MYO3B: variants seen among roughly 807,000 people sequenced by gnomAD.
MYO3B encodes the protein myosin IIIB.
MYO3B carries 156 observed loss-of-function variants against 174.6 expected under a neutral mutation model. That is an observed-to-expected ratio of 0.89 (90% confidence interval 0.78 to 1.02). The LOEUF is 1.02. Among genes scored for constraint, MYO3B ranks in the 50% least tolerant of loss-of-function variants. MYO3B has a pLI of 0.00. For missense variants in MYO3B, 1,632 were observed against 1,639.4 expected, an observed-to-expected ratio of 1.00 and a Z score of 0.08; for synonymous variants, 563 against 569.1, an observed-to-expected ratio of 0.99 and a Z score of 0.15.
chr2:170,180,472 G>A (rs1207863628), intron 1 of MYO3B, among the ~76,000 whole-genome samples: 1 of 152,000 alleles, frequency 6.6e-6, no homozygotes, highest in Non-Finnish European at 1.5e-5. Context: ...TTATTTCTCT[G>A]TTTTCTTTTT....
chr2:170,378,369 G>A (rs1240121257), intron 9 of MYO3B, among the ~76,000 whole-genome samples: 1 of 152,144 alleles, frequency 6.6e-6, no homozygotes, highest in Non-Finnish European at 1.5e-5. Flanking sequence ...GTCTTTATCA[G>A]AGTAGAGAAG....
At chr2:170,417,648 A>G (rs576965803) in intron 22 of MYO3B, among the ~76,000 whole-genome samples, 17 of 152,292 alleles carry the variant, frequency 1.1e-4, no homozygotes, top group Non-Finnish European at 2.1e-4. Flanking sequence ...CCTGGCTCCC[A>G]GTGGTTTTCT....
intron 32 of MYO3B, among the ~76,000 whole-genome samples, chr2:170,640,191 CAATTA>C (rs1396862492): frequency 6.6e-6 from 1 of 152,102 alleles, no homozygotes; most frequent in Non-Finnish European, 1.5e-5. Flanking sequence ...TACCCCTGAC[CAATTA>C]AATTAGGATC....
At chr2:170,532,267 A>G (rs910976592) in intron 30 of MYO3B, among the ~76,000 whole-genome samples, 1 of 152,236 alleles carries the variant, frequency 6.6e-6, no homozygotes, top group Non-Finnish European at 1.5e-5. Flanking sequence ...AAAATGAAAC[A>G]TGACAGAAGA....
intron 27 of MYO3B, among the ~76,000 whole-genome samples, chr2:170,501,062 C>T (rs773920889): frequency 6.8e-6 from 1 of 146,572 alleles, no homozygotes; most frequent in Non-Finnish European, 1.5e-5. Context: ...CCAGCAACTT[C>T]GAGAGTTGTG....
chr2:170,255,423 A>G (rs954070049), intron 7 of MYO3B, among the ~76,000 whole-genome samples: 1 of 152,204 alleles, frequency 6.6e-6, no homozygotes, highest in Non-Finnish European at 1.5e-5. Context: ...CTAAGAGCCT[A>G]TCTGCTGGCC....
chr2:170,608,641 T>C (rs1322829592), intron 32 of MYO3B, among the ~76,000 whole-genome samples: 2 of 151,316 alleles, frequency 1.3e-5, no homozygotes, highest in Non-Finnish European at 2.9e-5. Context: ...GGTCCCAGTA[T>C]GCTTCAGCTG....
At chr2:170,416,309 G>A (rs989787257) in intron 22 of MYO3B, among the ~76,000 whole-genome samples, 10 of 151,994 alleles carry the variant, frequency 6.6e-5, no homozygotes, top group Non-Finnish European at 1.0e-4. Context: ...GATCACTTGA[G>A]GTCAGGAGTT....
chr2:170,242,152 A>G (rs1167177913), intron 7 of MYO3B, among the ~76,000 whole-genome samples: 4 of 152,176 alleles, frequency 2.6e-5, no homozygotes, highest in Admixed American at 2.6e-4. Context: ...TCACTTAGCT[A>G]TTGGCCTTTT....
chr2:170,217,469 C>T, intron 6 of MYO3B, 74 bp downstream of exon 6: 1 of 1,286,416 alleles, frequency 7.8e-7, no homozygotes, highest in South Asian at 1.2e-5. Context: ...ATGGGTAAGT[C>T]ATATGCTTTG....
chr2:170,455,263 A>G (rs1009192215), intron 23 of MYO3B, among the ~76,000 whole-genome samples: 1 of 152,214 alleles, frequency 6.6e-6, no homozygotes, highest in Non-Finnish European at 1.5e-5. Flanking sequence ...AAAACTATAA[A>G]TTCCTCCTAA....
intron 24 of MYO3B, among the ~76,000 whole-genome samples, chr2:170,465,838 T>A (rs1684589343): frequency 6.6e-6 from 1 of 152,140 alleles, no homozygotes; most frequent in Admixed American, 6.6e-5. Flanking sequence ...TTATAATAGC[T>A]CCTGAAGGTG....
intron 25 of MYO3B, among the ~76,000 whole-genome samples, chr2:170,483,925 C>G (rs1685863245): frequency 6.6e-6 from 1 of 152,156 alleles, no homozygotes; most frequent in Non-Finnish European, 1.5e-5. Context: ...TAGGAGAACA[C>G]TACCCAGTCC....
intron 30 of MYO3B, among the ~76,000 whole-genome samples, chr2:170,527,087 C>T (rs903835383): frequency 6.6e-6 from 1 of 152,180 alleles, no homozygotes; most frequent in Non-Finnish European, 1.5e-5. Context: ...TTTTACTCAT[C>T]CTTCAAGGTC....
At chr2:170,339,833 T>C (rs1021787142) in intron 8 of MYO3B, among the ~76,000 whole-genome samples, 4 of 152,224 alleles carry the variant, frequency 2.6e-5, no homozygotes, top group Non-Finnish European at 4.4e-5. Context: ...ATAAATTAAA[T>C]GCAATGCTCA....
chr2:170,379,194 ATTT>A (rs11332233), intron 9 of MYO3B, among the ~76,000 whole-genome samples: 377 of 77,112 alleles, frequency 4.9e-3, no homozygotes, highest in African/African-American at 0.013. Context: ...ATGTGGTACA[ATTT>A]TTTTTTTTTT....
intron 7 of MYO3B, among the ~76,000 whole-genome samples, chr2:170,300,621 C>T (rs1337037541): frequency 6.6e-6 from 1 of 152,090 alleles, no homozygotes; most frequent in Non-Finnish European, 1.5e-5. Context: ...CTCCTTTTCT[C>T]TTCATTTTTG....
At chr2:170,632,019 C>G (rs967026872) in intron 32 of MYO3B, among the ~76,000 whole-genome samples, 10 of 152,058 alleles carry the variant, frequency 6.6e-5, no homozygotes, top group African/African-American at 2.4e-4. Flanking sequence ...GAGACTTAGA[C>G]TCCCACACAA....
chr2:170,570,641 C>A (rs559688993), intron 32 of MYO3B, among the ~76,000 whole-genome samples: 1 of 152,194 alleles, frequency 6.6e-6, no homozygotes, highest in African/African-American at 2.4e-5. Flanking sequence ...TGCTTTTTGG[C>A]GGTTTTCCTT....
Sources: allele counts gnomAD v4.1 joint callset (sites outside exome capture counted in the v4.1 genomes callset), GRCh38; gene constraint gnomAD v4.1.1; transcripts MANE v1.5; gene names NCBI Gene and HGNC (gene_info 2026-07-23, HGNC 2026-07-21).